The following CSGALNACT1 variants were observed in gnomAD, a reference collection of about 807,000 sequenced individuals.
CSGALNACT1 encodes beta4GalNAcT-1.
In CSGALNACT1, 52 loss-of-function variants were observed where a neutral mutation model predicts 51.0. That is an observed-to-expected ratio of 1.02 (90% CI 0.82 to 1.29). The LOEUF is 1.29. Ranked by LOEUF, CSGALNACT1 falls within the 50% of genes most tolerant of loss-of-function variation. The pLI is 0.00. For missense variants in CSGALNACT1, 935 were observed against 679.2 expected, an observed-to-expected ratio of 1.38 and a Z score of -4.19; for synonymous variants, 341 against 254.4, an observed-to-expected ratio of 1.34 and a Z score of -3.24.
chr8:19,583,989 A>G (rs978771581), intron 3 of CSGALNACT1, among the ~76,000 whole-genome samples: 2 of 152,224 alleles, frequency 1.3e-5, no homozygotes, highest in African/African-American at 4.8e-5. Flanking sequence ...TTGAGATTGA[A>G]TAACACATAA....
At chr8:19,588,368 C>G (rs147611208) in intron 3 of CSGALNACT1, among the ~76,000 whole-genome samples, 84 of 152,240 alleles carry the variant, frequency 5.5e-4, no homozygotes, top group Non-Finnish European at 1.1e-3. Context: ...CCAGTGAGAA[C>G]TCATTGCAAA....
At chr8:19,560,145 T>C (rs183173746) in intron 3 of CSGALNACT1, among the ~76,000 whole-genome samples, 12 of 152,304 alleles carry the variant, frequency 7.9e-5, no homozygotes, top group African/African-American at 2.6e-4. Context: ...CTTGGGGGAC[T>C]GAACAAAGAG....
chr8:19,494,159 CTCT>C (rs1225267407), intron 4 of CSGALNACT1, among the ~76,000 whole-genome samples: 3 of 152,140 alleles, frequency 2.0e-5, no homozygotes, highest in Admixed American at 2.0e-4. Context: ...TTGCCATGCC[CTCT>C]TCTTCTATCT....
chr8:19,555,954 C>T (rs2089606879), intron 3 of CSGALNACT1, among the ~76,000 whole-genome samples: 2 of 152,132 alleles, frequency 1.3e-5, no homozygotes, highest in South Asian at 4.1e-4. Flanking sequence ...CTTCTCGAGT[C>T]CCATTTTTAA....
intron 3 of CSGALNACT1, among the ~76,000 whole-genome samples, chr8:19,544,988 T>C (rs998762633): frequency 6.7e-6 from 1 of 150,246 alleles, no homozygotes; most frequent in Non-Finnish European, 1.5e-5. Flanking sequence ...AGCCAGTCAG[T>C]CCATCCTTTC....
intron 4 of CSGALNACT1, among the ~76,000 whole-genome samples, chr8:19,488,390 T>TAC (rs2073560875): frequency 3.2e-5 from 2 of 62,540 alleles, no homozygotes; most frequent in African/African-American, 1.3e-4. Flanking sequence ...TATATATATA[T>TAC]ATATATATAT....
intron 4 of CSGALNACT1, among the ~76,000 whole-genome samples, chr8:19,499,182 A>G (rs1420183108): frequency 3.9e-5 from 6 of 152,288 alleles, no homozygotes; most frequent in African/African-American, 1.4e-4. Flanking sequence ...TGACCGACCC[A>G]TATCTTCTAG....
intron 1 of CSGALNACT1, among the ~76,000 whole-genome samples, chr8:19,622,868 G>A (rs2053995153): frequency 6.6e-6 from 1 of 152,118 alleles, no homozygotes; most frequent in Non-Finnish European, 1.5e-5. Context: ...TAGATTGAAA[G>A]CTAAATCTGT....
intron 1 of CSGALNACT1, among the ~76,000 whole-genome samples, chr8:19,749,818 G>A (rs1360062742): frequency 6.6e-6 from 1 of 152,196 alleles, no homozygotes; most frequent in Non-Finnish European, 1.5e-5. Context: ...GTTATTGCCA[G>A]ACAACTAATA....
intron 1 of CSGALNACT1, among the ~76,000 whole-genome samples, chr8:19,639,451 C>G (rs1174135034): frequency 6.6e-6 from 1 of 152,134 alleles, no homozygotes; most frequent in Non-Finnish European, 1.5e-5. Context: ...CAGGAAGAAG[C>G]CAAAGAGTTG....
chr8:19,658,076 A>AAAAG (rs1431955064), intron 1 of CSGALNACT1, among the ~76,000 whole-genome samples: 1 of 151,382 alleles, frequency 6.6e-6, no homozygotes, highest in African/African-American at 2.4e-5. Context: ...AAAAAAAAAA[A>AAAAG]AAAAAAAAGT....
intron 1 of CSGALNACT1, among the ~76,000 whole-genome samples, chr8:19,716,428 A>T (rs1166559869): frequency 6.6e-6 from 1 of 151,736 alleles, no homozygotes; most frequent in Non-Finnish European, 1.5e-5. Context: ...TTTTATCTCA[A>T]CCAAAACCAT....
chr8:19,608,918 C>A lies in CSGALNACT1; in HGVS notation c.-543-7053G>T, dbSNP rs146625259. ...TGAGAGATACTATGATGAAGGTAGACAGTCACTGCAAAAATGGACTTGCCT... is the reference window on the plus strand; with the variant it reads ...TGAGAGATACTATGATGAAGGTAGAAAGTCACTGCAAAAATGGACTTGCCT... On this transcript the variant is annotated intron_variant, in intron 1 of 9. Transcript: ENST00000332246. 5.4e-3 allele frequency among the ~76,000 whole-genome samples: 816 copies of A among 152,286 alleles called. 5 individuals are homozygous for A. The highest frequency in any genetic ancestry group is 0.018 in the African/African-American group (761 of 41,576).
At chr8:19,410,396 A>C (rs1259494051) in intron 8 of CSGALNACT1, among the ~76,000 whole-genome samples, 1 of 152,238 alleles carries the variant, frequency 6.6e-6, no homozygotes, top group African/African-American at 2.4e-5. Context: ...TACCAGGTAC[A>C]TGGTTTCCAT....
chr8:19,571,866 T>A (rs936892010), intron 3 of CSGALNACT1, among the ~76,000 whole-genome samples: 5 of 152,342 alleles, frequency 3.3e-5, no homozygotes, highest in African/African-American at 1.2e-4. Context: ...CTGAATTTCC[T>A]AAAAGAAGTT....
intron 1 of CSGALNACT1, among the ~76,000 whole-genome samples, chr8:19,710,505 T>G (rs1361353165): frequency 6.6e-6 from 1 of 152,066 alleles, no homozygotes; most frequent in East Asian, 1.9e-4. Flanking sequence ...GAACAAAGAG[T>G]ACATTGGTCA....
At chr8:19,706,174 T>C (rs552611771) in intron 1 of CSGALNACT1, among the ~76,000 whole-genome samples, 2 of 152,330 alleles carry the variant, frequency 1.3e-5, no homozygotes, top group Admixed American at 6.5e-5. Context: ...AGGCCTTATG[T>C]CTTTGTGAAC....
chr8:19,707,073 G>A (rs996749853), intron 1 of CSGALNACT1, among the ~76,000 whole-genome samples: 1 of 152,134 alleles, frequency 6.6e-6, no homozygotes, highest in Admixed American at 6.6e-5. Context: ...GATTCATCTA[G>A]TAGGAGGTTA....
intron 3 of CSGALNACT1, among the ~76,000 whole-genome samples, chr8:19,513,247 G>A (rs1158560860): frequency 6.6e-6 from 1 of 151,748 alleles, no homozygotes; most frequent in Non-Finnish European, 1.5e-5. Flanking sequence ...GGACATAGGA[G>A]GATAGCGACA....
Sources: allele counts gnomAD v4.1 joint callset (sites outside exome capture counted in the v4.1 genomes callset), GRCh38; gene constraint gnomAD v4.1.1; transcripts MANE v1.5; gene names NCBI Gene and HGNC (gene_info 2026-07-23, HGNC 2026-07-21).